Variants in BRINP3 observed in about 807,000 individuals in gnomAD.
The protein encoded by BRINP3 is BMP/retinoic acid-inducible neural-specific protein 3.
BRINP3 carries 19 observed loss-of-function variants against 71.0 expected under a neutral mutation model. The observed-to-expected ratio is 0.27, with a 90% CI of 0.19 to 0.39. BRINP3 has a LOEUF of 0.39. BRINP3 is among the 10% of genes least tolerant of loss of function. BRINP3 has a pLI of 1.00. For synonymous variants in BRINP3, 380 were observed against 337.7 expected, an observed-to-expected ratio of 1.13 and a Z score of -1.37; for missense variants, 959 against 940.8, an observed-to-expected ratio of 1.02 and a Z score of -0.25.
chr1:190,241,751 C>G (rs751852718), intron 4 of BRINP3, among the ~76,000 whole-genome samples: 9 of 151,736 alleles, frequency 5.9e-5, no homozygotes, highest in Non-Finnish European at 7.4e-5. Context: ...TGATTAGTTT[C>G]TATTATTTCC....
intron 6 of BRINP3, among the ~76,000 whole-genome samples, chr1:190,190,436 T>C (rs1014844939): frequency 6.6e-6 from 1 of 152,146 alleles, no homozygotes; most frequent in African/African-American, 2.4e-5. Context: ...CTATGATCTC[T>C]CATTTGGTTT....
At chr1:190,162,092 T>C (rs1414676943) in intron 6 of BRINP3, among the ~76,000 whole-genome samples, 2 of 152,188 alleles carry the variant, frequency 1.3e-5, no homozygotes, top group South Asian at 4.2e-4. Context: ...AAGGTAACAG[T>C]ACTTTTTACA....
At chr1:190,115,586 G>T (rs184814859) in intron 7 of BRINP3, among the ~76,000 whole-genome samples, 1 of 152,202 alleles carries the variant, frequency 6.6e-6, no homozygotes, top group East Asian at 1.9e-4. Flanking sequence ...GCCTATACAT[G>T]CCATTAGCAA....
At chr1:190,254,403 G>C (rs1017407605) in intron 4 of BRINP3, among the ~76,000 whole-genome samples, 9 of 151,840 alleles carry the variant, frequency 5.9e-5, no homozygotes, top group African/African-American at 2.2e-4. Flanking sequence ...TCCTATCCAT[G>C]AGCATGGAAT....
rs369089898 is a variant in BRINP3 at position 190,265,022 on chromosome 1, C to T, written c.461G>A (p.Arg154Gln). 1.7e-5 allele frequency: 28 copies of T among 1,607,658 alleles called. No homozygotes were observed. Among genetic ancestry groups the T allele is most frequent in the Non-Finnish European group, 2.2e-5 (26 of 1,177,812 alleles). ...EESLTIFVDK[R>Q]KLSKRAEGSD... ...TCCTTCAGCTCGTTTGCTCAACTTC[C>T]GCTTGTCCACAAAAATTGTGAGTGA... The change falls in exon 4 of 8, where the codon CGG becomes CAG. Residue 154 changes from arginine to glutamine, a missense_variant. Transcript: ENST00000367462.
chr1:190,298,945 C>T lies in BRINP3; in HGVS notation c.237-17195G>A, dbSNP rs574292094. Among the ~76,000 whole-genome samples, 385 of 152,214 alleles carry T rather than the reference C, an allele frequency of 2.5e-3. 3 individuals carry two copies. The highest frequency in any genetic ancestry group is 0.01 in the Middle Eastern group (3 of 294). On this transcript the variant is annotated intron_variant, in intron 2 of 7. Coordinates refer to ENST00000367462, the MANE Select transcript of BRINP3 (RefSeq NM_199051.3). ...TTGTGAATTATTTTAGTTCTTCCTT[C>T]AATTCTATTAAATTTTGCTTACAAT...
In BRINP3 at chr1:190,336,900, T is replaced by C. The variant is rs570191988; in HGVS notation, c.237-55150A>G. Among the ~76,000 whole-genome samples, 3 of 148,648 alleles carry C rather than the reference T, an allele frequency of 2.0e-5. No individual in the cohort carries two copies. In the South Asian group the frequency reaches 6.6e-4, roughly 33 times the overall value. On this transcript the variant is annotated intron_variant, in intron 2 of 7. Transcript: ENST00000367462. ...CTTCCTTCCTTCCTTCCTCCCTTCC[T>C]TCTTCTGACTTTACCTAGAAAGATA... is the stretch of plus-strand genomic sequence containing the variant.
At chr1:190,419,157 C>T (rs1381061810) in intron 2 of BRINP3, among the ~76,000 whole-genome samples, 1 of 151,928 alleles carries the variant, frequency 6.6e-6, no homozygotes, top group South Asian at 2.1e-4. Context: ...ATTCTGATTG[C>T]ATGCATTCTT....
intron 7 of BRINP3, among the ~76,000 whole-genome samples, chr1:190,128,290 C>A (rs1482989592): frequency 2.0e-5 from 3 of 151,734 alleles, no homozygotes; most frequent in African/African-American, 4.8e-5. Context: ...GGACTACTTT[C>A]CCAGACTTTA....
intron 2 of BRINP3, among the ~76,000 whole-genome samples, chr1:190,366,236 C>T (rs1035299782): frequency 6.6e-6 from 1 of 152,034 alleles, no homozygotes; most frequent in Non-Finnish European, 1.5e-5. Flanking sequence ...CTGAGGAGGC[C>T]TCAGGAAACT....
chr1:190,421,864 T>C (rs1673408850), intron 2 of BRINP3, among the ~76,000 whole-genome samples: 1 of 151,892 alleles, frequency 6.6e-6, no homozygotes, highest in African/African-American at 2.4e-5. Flanking sequence ...TTACTACTTT[T>C]ATTACTTATT....
At chr1:190,239,117 G>A (rs574117971) in intron 4 of BRINP3, among the ~76,000 whole-genome samples, 28 of 152,150 alleles carry the variant, frequency 1.8e-4, no homozygotes, top group African/African-American at 6.3e-4. Flanking sequence ...CACGAGAACA[G>A]TTTGGGGGAA....
chr1:190,408,902 G>C (rs1042863442), intron 2 of BRINP3, among the ~76,000 whole-genome samples: 3 of 152,136 alleles, frequency 2.0e-5, no homozygotes, highest in African/African-American at 7.2e-5. Context: ...CAGTGGTAAA[G>C]GATGTTATGA....
intron 2 of BRINP3, among the ~76,000 whole-genome samples, chr1:190,411,771 T>A (rs1178176348): frequency 6.6e-6 from 1 of 152,196 alleles, no homozygotes; most frequent in Non-Finnish European, 1.5e-5. Context: ...GGATACCTGA[T>A]AAATATAAAA....
At chr1:190,406,481 T>A (rs899004934) in intron 2 of BRINP3, among the ~76,000 whole-genome samples, 1 of 152,246 alleles carries the variant, frequency 6.6e-6, no homozygotes, top group Non-Finnish European at 1.5e-5. Flanking sequence ...CAGATTTCAA[T>A]CTCAAGTGAT....
intron 7 of BRINP3, among the ~76,000 whole-genome samples, chr1:190,126,078 T>C (rs1349195835): frequency 6.6e-6 from 1 of 151,976 alleles, no homozygotes; most frequent in Non-Finnish European, 1.5e-5. Flanking sequence ...ACATGTACCC[T>C]AATTTAACTG....
chr1:190,380,588 G>A (rs1175823963), intron 2 of BRINP3, among the ~76,000 whole-genome samples: 1 of 152,090 alleles, frequency 6.6e-6, no homozygotes, highest in Non-Finnish European at 1.5e-5. Context: ...TCCTAGGACT[G>A]AGATTTAAGG....
chr1:190,427,327 C>T (rs1228189156), intron 2 of BRINP3, among the ~76,000 whole-genome samples: 2 of 151,794 alleles, frequency 1.3e-5, no homozygotes, highest in Non-Finnish European at 2.9e-5. Flanking sequence ...ACTCTGTGTG[C>T]ACTCACTTAG....
chr1:190,111,815 C>A (rs866748622), intron 7 of BRINP3, among the ~76,000 whole-genome samples: 3 of 152,064 alleles, frequency 2.0e-5, no homozygotes, highest in Admixed American at 6.5e-5. Flanking sequence ...CCATTGGAAG[C>A]AATTTCTTCC....
Sources: gnomAD v4.1 joint callset for allele counts (sites outside exome capture counted in the v4.1 genomes callset) on GRCh38, gnomAD v4.1.1 for gene constraint, MANE v1.5 for transcripts, NCBI Gene and HGNC (gene_info 2026-07-23, HGNC 2026-07-21) for gene names.